The following TTN variants were observed in gnomAD, a reference collection of about 807,000 sequenced individuals.
TTN encodes connectin.
In TTN, 1,525 loss-of-function variants were observed where a neutral mutation model predicts 3,223.0. The observed-to-expected ratio is 0.47, with a 90% CI of 0.45 to 0.49. The LOEUF (loss-of-function observed/expected upper bound fraction) is 0.49, where lower values mean the gene tolerates loss of function less well. Among genes scored for constraint, TTN ranks in the 20% least tolerant of loss-of-function variants. The pLI is 0.00. For missense variants in TTN, 40,786 were observed against 43,424.0 expected, an observed-to-expected ratio of 0.94 and a Z score of 5.40; for synonymous variants, 14,094 against 15,161.0, an observed-to-expected ratio of 0.93 and a Z score of 5.17.
At chr2:178,554,412 A>C in intron 332 of TTN, 41 bp downstream of exon 332, 1 of 1,587,006 alleles carries the variant, frequency 6.3e-7, no homozygotes. Flanking sequence ...TTTATTTTTA[A>C]ATTTTTCACG....
intron 17 of TTN, among the ~76,000 whole-genome samples, chr2:178,783,500 C>T (rs2092949004): frequency 6.6e-6 from 1 of 152,174 alleles, no homozygotes; most frequent in African/African-American, 2.4e-5. Flanking sequence ...CTCATTAAAT[C>T]TTTTGAATCC....
rs755348594 is a variant in TTN at position 178,727,861 on chromosome 2, G to A, written c.19717C>T (p.Pro6573Ser). 1 of 1,571,716 alleles carries A rather than the reference G, an allele frequency of 6.4e-7. No individual in the cohort carries two copies. The highest frequency in any genetic ancestry group is 1.2e-5 in the South Asian group (1 of 82,538). Residue 6573 changes from proline (P) to serine (S), a missense_variant and splice_region_variant, in exon 68 of 363, where the codon CCA becomes TCA. By Grantham distance (74) the Pro-to-Ser change is moderately conservative. Transcript: ENST00000589042. ...CCAGGTTTCACTAGGAAGCTTGGTG[G>A]TTCTATAGATTTTAAGAGAGATATA... ...ACSGILTVKEPPSFLVKPGRQ... is the reference protein window; with the variant it reads ...ACSGILTVKESPSFLVKPGRQ...
intron 139 of TTN, 63 bp downstream of exon 139, chr2:178,680,191 G>C (rs1044819228): frequency 6.3e-6 from 10 of 1,594,870 alleles, no homozygotes; most frequent in Non-Finnish European, 8.6e-6. Context: ...TTCACACACA[G>C]AACTGAAGAG....
Position 178,802,319 on chromosome 2 carries a change from G to C in TTN, c.114C>G (p.Ser38Arg). ...AAATCACCTGGCCATCCCTAAACCA[G>C]CTCACCTCAGGAACTGGAAAACCTG... ...HISGFPVPEV[S>R]WFRDGQVIST... is the part of the protein sequence containing the mutation. The change falls in exon 3 of 363, where the codon AGC becomes AGG. Residue 38 changes from serine (S) to arginine (R), a missense_variant. By Grantham distance (110) the Ser-to-Arg change is moderately radical (BLOSUM62 -1). Transcript: ENST00000589042. The C allele has an allele frequency of 6.2e-7, 1 of 1,614,070 alleles. No homozygotes were observed.
At chr2:178,682,389 AAACTTGT>A (rs2069639598) in intron 135 of TTN, among the ~76,000 whole-genome samples, 1 of 152,038 alleles carries the variant, frequency 6.6e-6, no homozygotes, top group Non-Finnish European at 1.5e-5. Context: ...ACTTGAAGAT[AAACTTGT>A]AACCTTTTTG....
intron 213 of TTN, 108 bp from the exon 214 acceptor site, chr2:178,647,572 G>C: frequency 9.5e-7 from 1 of 1,049,180 alleles, no homozygotes. Flanking sequence ...AGATTTCATG[G>C]GGAAAATGGC....
chr2:178,717,544 T>C lies in TTN; in HGVS notation c.25330A>G (p.Ser8444Gly), dbSNP rs547641733. The change falls in exon 87 of 363, where the codon AGT (serine) becomes GGT (glycine). Residue 8444 changes from serine (S) to glycine (G), a missense_variant. Ser to Gly is a moderately conservative substitution (Grantham distance 56). Transcript: ENST00000589042. ...TCACCTGAGAGAATGAGCTTGGCAC[T>C]GGATGAAGCAGTCCCAAGAGGATTA... ...ASNPLGTASS[S>G]AKLILSEHEV... 6.2e-6 allele frequency: 10 copies of C among 1,607,526 alleles called. No individual in the cohort carries two copies. The highest frequency in any genetic ancestry group is 4.0e-5 in the African/African-American group (3 of 74,784).
rs766892661 is a variant in TTN, at chr2:178,530,381, C to G, written c.106234G>C (p.Ala35412Pro). 1.9e-6 allele frequency: 3 copies of G among 1,613,886 alleles called. No individual in the cohort carries two copies. The highest frequency in any genetic ancestry group is 1.7e-5 in the Admixed American group (1 of 60,014). Residue 35412 changes from alanine (A) to proline (P), a missense_variant, in exon 358 of 363, where the codon GCT becomes CCT. Physicochemically the swap from Ala to Pro is conservative, Grantham distance 27 (BLOSUM62 -1). Transcript: ENST00000589042. ...STVTRKTEPK[A>P]PEPISSKPVI... ...GGTTTTGAGGAAATTGGTTCAGGAG[C>G]TTTTGGTTCAGTTTTTCTGGTTACT...
rs766246278 is a variant in TTN at position 178,539,632 on chromosome 2, G to A, written c.98433C>T (p.Arg32811=). 6 of 1,613,624 alleles carry A rather than the reference G, an allele frequency of 3.7e-6. No homozygotes were observed. The highest frequency in any genetic ancestry group is 5.1e-6 in the Non-Finnish European group (6 of 1,179,780). The change falls in exon 352 of 363, where the codon CGC becomes CGT. Residue 32811 remains arginine (R), a synonymous_variant. Coordinates refer to ENST00000589042, the MANE Select transcript of TTN (RefSeq NM_001267550.2). ...GAGGTCTCCAGCTGACCCTCACAGA[G>A]CGGACTTGGATGTCATCATATTCCA... ...GPLEYDDIQV[R]SVRVSWRPPA... is the part of the protein sequence containing the mutation.
In TTN at chr2:178,713,104, A is replaced by G. The variant is rs774115714; in HGVS notation, c.27030T>C (p.Ser9010=). The G allele has an allele frequency of 3.1e-6, 5 of 1,613,584 alleles. No individual in the cohort carries two copies. In the South Asian group the frequency reaches 5.5e-5, roughly 18 times the overall value. ...ACTGACCTCTCACAGTCAAAGGAGC[A>G]CTACATTCATCAGAACCAGCCATAT... The part of the protein sequence containing the change: ...ATNMAGSDEC[S]APLTVREPPS... The change falls in exon 93 of 363, where the codon AGT becomes AGC. Residue 9010 remains serine (S), a synonymous_variant. Transcript: ENST00000589042.
In TTN at chr2:178,633,912, T is replaced by C; in HGVS notation, c.42587A>G (p.His14196Arg). 10 of 1,613,454 alleles carry C rather than the reference T, an allele frequency of 6.2e-6. No homozygotes were observed. The highest frequency in any genetic ancestry group is 8.5e-6 in the Non-Finnish European group (10 of 1,179,570). Residue 14196 changes from histidine (H) to arginine (R), a missense_variant, in exon 231 of 363, where the codon CAC (histidine) becomes CGC (arginine). Physicochemically the swap from His to Arg is conservative, Grantham distance 29 (BLOSUM62 0). Transcript: ENST00000589042. Reference sequence around the variant, plus strand: ...TGTCACTTCTTTCATTTCCAATTTGTGAGTCTTGCCCTCAGAAGAGATGAG... The same window carrying C: ...TGTCACTTCTTTCATTTCCAATTTGCGAGTCTTGCCCTCAGAAGAGATGAG... Reference protein sequence around the residue: ...TVLISSEGKTHKLEMKEVTLD... With the variant: ...TVLISSEGKTRKLEMKEVTLD...
At chr2:178,770,918 G>A in intron 34 of TTN, 1 of 787,226 alleles carries the variant, frequency 1.3e-6, no homozygotes, top group Middle Eastern at 3.2e-4. Context: ...GCATAGCTAT[G>A]TATTAGCAGC....
chr2:178,722,134 T>C lies in TTN; in HGVS notation c.22529A>G (p.Glu7510Gly). ...ASSSARLTAR[E>G]PKKSPFFDIK... The stretch of plus-strand genomic sequence containing the variant: ...GTCAAAGAAGGGAGATTTCTTGGGT[T>C]CTGGAGGATGAGAAGAAAGGCAATG... The change falls in exon 78 of 363, where the codon GAA (glutamate) becomes GGA (glycine). Residue 7510 changes from glutamate to glycine, a missense_variant and splice_region_variant. Coordinates refer to ENST00000589042, the MANE Select transcript of TTN (RefSeq NM_001267550.2). 1 of 1,551,416 alleles carries C rather than the reference T, an allele frequency of 6.4e-7. No individual in the cohort carries two copies. The highest frequency in any genetic ancestry group is 8.7e-7 in the Non-Finnish European group (1 of 1,152,178).
Position 178,580,016 on chromosome 2 carries a change from T to C in TTN, c.67271A>G (p.Tyr22424Cys), listed in dbSNP as rs1479907727. ...RVANLEEGKS[Y>C]FFRVFAENEY... ...ATTTTCAGCAAACACTCGGAAGAAGTAGGATTTTCCCTCCTCCAAATTAGC... is the reference window on the plus strand; with the variant it reads ...ATTTTCAGCAAACACTCGGAAGAAGCAGGATTTTCCCTCCTCCAAATTAGC... Residue 22424 changes from tyrosine (Y) to cysteine (C), a missense_variant, in exon 318 of 363, where the codon TAC becomes TGC. Coordinates refer to ENST00000589042, the MANE Select transcript of TTN (RefSeq NM_001267550.2). 1 of 1,613,350 alleles carries C rather than the reference T, an allele frequency of 6.2e-7. No individual in the cohort carries two copies. The highest frequency in any genetic ancestry group is 1.1e-5 in the South Asian group (1 of 91,070).
chr2:178,800,736 G>A lies in TTN; in HGVS notation c.296-54C>T, dbSNP rs144234775. 6.3e-4 allele frequency: 971 copies of A among 1,529,374 alleles called. 5 individuals are homozygous for A. The African/African-American group carries it at 7.6e-3, about 12-fold the overall frequency. 94.7% of individuals were successfully genotyped at this position (1,529,374 alleles called of 1,614,324 possible). ...GTGAGAGCCAGGGTGCTCCCTACAA[G>A]GTATTTTTAAATAATCACAGCTCCA... On this transcript the variant is annotated intron_variant, in intron 3 of 362. Coordinates refer to ENST00000589042, the MANE Select transcript of TTN (RefSeq NM_001267550.2).
chr2:178,672,547 A>G, intron 153 of TTN, 66 bp from the exon 154 acceptor site: 1 of 1,601,702 alleles, frequency 6.2e-7, no homozygotes, highest in Non-Finnish European at 8.6e-7. Flanking sequence ...AAAATCATCA[A>G]AAACAATCAA....
In TTN at chr2:178,633,845, C is replaced by A. The variant is rs1212212394; in HGVS notation, c.42654G>T (p.Leu14218=). Residue 14218 remains leucine (L), a synonymous_variant, in exon 231 of 363, where the codon CTG becomes CTT. Coordinates refer to ENST00000589042, the MANE Select transcript of TTN (RefSeq NM_001267550.2). ...AGACCTTCAGCTGTGCTGTGGAGCTCAGCTCCTTGACTTGAGCTTTTATCT... is the reference window on the plus strand; with the variant it reads ...AGACCTTCAGCTGTGCTGTGGAGCTAAGCTCCTTGACTTGAGCTTTTATCT... ...ISQIKAQVKE[L]SSTAQLKVLE... 6.2e-7 allele frequency: 1 copy of A among 1,613,336 alleles called. No individual in the cohort carries two copies. Among genetic ancestry groups the A allele is most frequent in the Admixed American group, 1.7e-5 (1 of 59,992 alleles).
rs777909869 is a variant in TTN, at chr2:178,572,769, T to C, written c.73363A>G (p.Arg24455Gly). 6.2e-7 allele frequency: 1 copy of C among 1,613,530 alleles called. No individual in the cohort carries two copies. The highest frequency in any genetic ancestry group is 8.5e-7 in the Non-Finnish European group (1 of 1,179,604). ...TLRLFVPIKG[R>G]PAPEVKWARD... is the part of the protein sequence containing the mutation. ...GCCCACTTCACCTCAGGTGCAGGCCTTCCTTTGATGGGAACAAAAAGTCTC... is the reference window on the plus strand; with the variant it reads ...GCCCACTTCACCTCAGGTGCAGGCCCTCCTTTGATGGGAACAAAAAGTCTC... Residue 24455 changes from arginine to glycine, a missense_variant, in exon 326 of 363, where the codon AGG (arginine) becomes GGG (glycine). Physicochemically the swap from Arg to Gly is moderately radical, Grantham distance 125 (BLOSUM62 -2). Coordinates refer to ENST00000589042, the MANE Select transcript of TTN (RefSeq NM_001267550.2).
chr2:178,770,088 C>A lies in TTN; in HGVS notation c.8613G>T (p.Leu2871Phe). Residue 2871 changes from leucine to phenylalanine, a missense_variant, in exon 36 of 363, where the codon TTG (leucine) becomes TTT (phenylalanine). By Grantham distance (22) the Leu-to-Phe change is conservative. Transcript: ENST00000589042. ...AGEYTAVVGQ[L>F]ECKAKLFVET... ...CCACAAACAGTTTTGCTTTGCATTC[C>A]AATTGCCCGACCACAGCTGTGTATT... is the stretch of plus-strand genomic sequence containing the variant. 1 of 1,614,110 alleles carries A rather than the reference C, an allele frequency of 6.2e-7. No homozygotes were observed.
Sources: allele counts gnomAD v4.1 joint callset (sites outside exome capture counted in the v4.1 genomes callset), GRCh38; gene constraint gnomAD v4.1.1; transcripts MANE v1.5; gene names NCBI Gene and HGNC (gene_info 2026-07-23, HGNC 2026-07-21).